RGS3: variants seen among roughly 807,000 people sequenced by gnomAD.
RGS3 encodes regulator of G protein signaling 3, also known as regulator of G-protein signalling 3.
Under a neutral mutation model 132.6 loss-of-function variants are expected in RGS3, and 80 were observed. The ratio of observed to expected loss-of-function variants is 0.60; its 90% CI spans 0.50 to 0.73. The LOEUF (loss-of-function observed/expected upper bound fraction) is 0.73. Ranked by LOEUF, RGS3 falls within the 30% of genes least tolerant of loss-of-function variation. The pLI is 0.00. For missense variants in RGS3, 1,382 were observed against 1,530.8 expected (o/e 0.90, Z 1.62); for synonymous variants, 598 against 620.6 (o/e 0.96, Z 0.54).
intron 1 of RGS3, among the ~76,000 whole-genome samples, chr9:113,451,045 G>T (rs186676878): frequency 1.9e-4 from 29 of 152,208 alleles, no homozygotes; most frequent in African/African-American, 6.7e-4. Context: ...TGGCGTGGTG[G>T]CGTGTGCCTG....
rs1008922125 is a variant in RGS3 at position 113,525,559 on chromosome 9, T to C, written c.1870+2518T>C. On this transcript the variant is annotated intron_variant, in intron 17 of 24. Transcript: ENST00000350696. The stretch of plus-strand genomic sequence containing the variant: ...CAGAATGGTCTCTGATTAATATTGC[T>C]CATGACTCCTAGGTTTCTTATTTGT... Among the ~76,000 whole-genome samples, 5 of 152,320 alleles carry C rather than the reference T, an allele frequency of 3.3e-5. No homozygotes were observed. In the East Asian group the frequency reaches 5.8e-4, roughly 18 times the overall value.
At chr9:113,480,039 G>C (rs941469971) in intron 4 of RGS3, among the ~76,000 whole-genome samples, 1 of 152,178 alleles carries the variant, frequency 6.6e-6, no homozygotes, top group Non-Finnish European at 1.5e-5. Context: ...TTTCTCATCT[G>C]TCAAGTAGTG....
chr9:113,577,829 G>A (rs1207392647), intron 19 of RGS3, among the ~76,000 whole-genome samples: 1 of 152,212 alleles, frequency 6.6e-6, no homozygotes, highest in African/African-American at 2.4e-5. Flanking sequence ...CCTTCACACT[G>A]CAGATCTTGG....
At chr9:113,457,206 C>T (rs1455355279), upstream of RGS3, among the ~76,000 whole-genome samples, 1 of 151,648 alleles carries the variant, frequency 6.6e-6, no homozygotes, top group Admixed American at 6.6e-5. Flanking sequence ...ACGTACAACG[C>T]CCCCTCTCAC....
exon 22 of RGS3, chr9:113,594,487 A>G: frequency 6.2e-7 from 1 of 1,613,730 alleles, no homozygotes; most frequent in Non-Finnish European, 8.5e-7. Flanking sequence ...AGTCCCCTGG[A>G]GCCCCTCCCG....
At chr9:113,511,365 C>T (rs1323646281) in intron 14 of RGS3, among the ~76,000 whole-genome samples, 1 of 150,260 alleles carries the variant, frequency 6.7e-6, no homozygotes, top group Non-Finnish European at 1.5e-5. Flanking sequence ...TTTGCCTTCA[C>T]AGAGCTCAGT....
At chr9:113,484,092 TG>T (rs1310612917) in intron 5 of RGS3, 45 bp from the exon 4 acceptor site, 2 of 1,174,850 alleles carry the variant, frequency 1.7e-6, no homozygotes, top group Admixed American at 3.4e-5. Flanking sequence ...TGGGCTTAGG[TG>T]GGCCATGAGA....
Position 113,497,079 on chromosome 9 carries a change from C to T in RGS3, c.751-235C>T, listed in dbSNP as rs550045235. 1.6e-3 allele frequency among the ~76,000 whole-genome samples: 249 copies of T among 152,306 alleles called. 2 individuals carry two copies. The highest frequency in any genetic ancestry group is 5.5e-3 in the African/African-American group (229 of 41,556). ...GGGAGACAGGCAAGTAGATGGTTGT[C>T]CTCCAGGGATAAGAGGCTGTGGGAA... is the stretch of plus-strand genomic sequence containing the variant. On this transcript the variant is annotated intron_variant, in intron 8 of 24. Transcript: ENST00000350696.
chr9:113,573,073 C>T (rs1463149430), intron 19 of RGS3, among the ~76,000 whole-genome samples: 2 of 152,178 alleles, frequency 1.3e-5, no homozygotes, highest in Admixed American at 1.3e-4. Context: ...CTAAGCCCTC[C>T]CCACAGAGCT....
chr9:113,595,702 C>T, exon 24 of RGS3: 1 of 1,614,158 alleles, frequency 6.2e-7, no homozygotes, highest in Non-Finnish European at 8.5e-7. Context: ...AGTCACAGTC[C>T]AAGATGGCAT....
At chr9:113,460,895 T>TA (rs890800893) in intron 1 of RGS3, among the ~76,000 whole-genome samples, 2 of 152,152 alleles carry the variant, frequency 1.3e-5, no homozygotes, top group African/African-American at 2.4e-5. Flanking sequence ...AGTCAGTCTT[T>TA]AAAAAAATGC....
chr9:113,462,107 G>T lies in RGS3; in HGVS notation c.321G>T (p.Trp107Cys), dbSNP rs369435598. ...CCATATTCCCTGGCTGGATGGAGTG[G>T]CTAAGCCCTGATATCGCTCTGCCCA... is the stretch of plus-strand genomic sequence containing the variant. Residue 107 changes from tryptophan (W) to cysteine (C), a missense_variant, in exon 3 of 25, where the codon TGG becomes TGT. By Grantham distance (215) the Trp-to-Cys change is radical. Transcript: ENST00000350696. The T allele has an allele frequency of 1.9e-5, 31 of 1,614,168 alleles. No homozygotes were observed. In the African/African-American group the frequency reaches 4.0e-4, roughly 21 times the overall value.
intron 19 of RGS3, among the ~76,000 whole-genome samples, chr9:113,549,166 GAGAC>G (rs1833230813): frequency 6.6e-6 from 1 of 152,208 alleles, no homozygotes; most frequent in African/African-American, 2.4e-5. Flanking sequence ...TGCAGGTTTA[GAGAC>G]AGACAGGCCA....
chr9:113,511,461 G>A (rs1588179482), intron 14 of RGS3, among the ~76,000 whole-genome samples: 1 of 152,042 alleles, frequency 6.6e-6, no homozygotes, highest in South Asian at 2.1e-4. Flanking sequence ...TTATCCAGGG[G>A]TGGGTGGAGA....
intron 6 of RGS3, among the ~76,000 whole-genome samples, chr9:113,484,719 T>C (rs1033651347): frequency 2.0e-5 from 3 of 152,204 alleles, no homozygotes; most frequent in Non-Finnish European, 4.4e-5. Context: ...AATGGGACAG[T>C]ATAACATAAC....
intron 16 of RGS3, among the ~76,000 whole-genome samples, chr9:113,520,518 TC>T (rs1831893518): frequency 6.6e-6 from 1 of 151,716 alleles, no homozygotes; most frequent in African/African-American, 2.4e-5. Context: ...TTGCCCTACT[TC>T]CACCCCTCTC....
intron 7 of RGS3, among the ~76,000 whole-genome samples, chr9:113,490,168 T>C (rs1244188479): frequency 6.6e-6 from 1 of 152,222 alleles, no homozygotes; most frequent in Non-Finnish European, 1.5e-5. Context: ...ATCACTAATG[T>C]TTCTTTCAGC....
intron 1 of RGS3, among the ~76,000 whole-genome samples, chr9:113,453,079 A>G (rs988426238): frequency 7.4e-6 from 1 of 135,616 alleles, no homozygotes; most frequent in Non-Finnish European, 1.5e-5. Flanking sequence ...ATATATTTAT[A>G]TAATATAGAA....
At chr9:113,527,406 G>T (rs183351532) in intron 17 of RGS3, among the ~76,000 whole-genome samples, 2 of 152,172 alleles carry the variant, frequency 1.3e-5, no homozygotes, top group Non-Finnish European at 2.9e-5. Context: ...AAATGTCCCA[G>T]TGTGTTCTCT....
Sources: gnomAD v4.1 joint callset for allele counts (sites outside exome capture counted in the v4.1 genomes callset) on GRCh38, gnomAD v4.1.1 for gene constraint, MANE v1.5 for transcripts, NCBI Gene and HGNC (gene_info 2026-07-23, HGNC 2026-07-21) for gene names.